AHSA1: variants seen among roughly 807,000 people sequenced by gnomAD.
AHSA1 encodes activator of 90 kDa heat shock protein ATPase homolog 1.
AHSA1 carries 14 observed loss-of-function variants against 46.1 expected under a neutral mutation model. The observed-to-expected ratio is 0.30, with a 90% confidence interval of 0.20 to 0.47. The LOEUF is 0.47. Among genes scored for constraint, AHSA1 ranks in the 20% least tolerant of loss-of-function variants. AHSA1 has a pLI of 0.99. For synonymous variants in AHSA1, 147 were observed against 145.8 expected, an observed-to-expected ratio of 1.01 and a Z score of -0.06; for missense variants, 333 against 415.9, an observed-to-expected ratio of 0.80 and a Z score of 1.73.
At chr14:77,465,787 G>C in intron 6 of AHSA1, 120 bp downstream of exon 6, 1 of 1,018,898 alleles carries the variant, frequency 9.8e-7, no homozygotes, top group Non-Finnish European at 1.4e-6. Flanking sequence ...CTGGAGCCAT[G>C]AGGCCTTCAT....
At chr14:77,467,945 C>A in intron 6 of AHSA1, 138 bp from the exon 7 acceptor site, 1 of 611,522 alleles carries the variant, frequency 1.6e-6, no homozygotes, top group Non-Finnish European at 2.8e-6. Context: ...AGAGGGACAC[C>A]CTGGACCCGC....
At chr14:77,464,204 C>G (rs1480641314) in intron 4 of AHSA1, among the ~76,000 whole-genome samples, 1 of 152,088 alleles carries the variant, frequency 6.6e-6, no homozygotes, top group African/African-American at 2.4e-5. Context: ...TGGTGAAACC[C>G]CGTCTCTACT....
Position 77,458,175 on chromosome 14 carries a change from GCGATAGGAGAGC to G in AHSA1, c.-10_2del, listed in dbSNP as rs1566744567. Reference sequence around the variant, plus strand: ...CGGCTGCTCCGGAGCTGGTGGCGCCGCGATAGGAGAGCCGATGGCCAAGTGGGGTGAGGGAGA... The same window carrying G: ...CGGCTGCTCCGGAGCTGGTGGCGCCGCGATGGCCAAGTGGGGTGAGGGAGA... On this transcript the variant is annotated 5_prime_UTR_variant, in exon 1 of 9. Coordinates refer to ENST00000216479, the MANE Select transcript of AHSA1 (RefSeq NM_012111.3). 6.6e-7 allele frequency: 1 copy of G among 1,517,944 alleles called. No individual in the cohort carries two copies. Among genetic ancestry groups the G allele is most frequent in the East Asian group, 2.7e-5 (1 of 37,632 alleles). The allele number at this position is 1,517,944 out of a possible 1,614,324, so 94.0% of individuals were successfully genotyped here.
chr14:77,459,677 C>T lies in AHSA1; in HGVS notation c.142C>T (p.Gln48Ter). 6.2e-7 allele frequency: 1 copy of T among 1,614,192 alleles called. No individual in the cohort carries two copies. Among genetic ancestry groups the T allele is most frequent in the Non-Finnish European group, 8.5e-7 (1 of 1,180,040 alleles). ...GCTGAAAACACTGTTCCTGGCAGTG[C>T]AGGTTCAAAATGAAGAAGGCAAGTG... ...DKLKTLFLAVQVQNEEGKCEV... is the reference protein window; with the variant it reads ...DKLKTLFLAV The change falls in exon 2 of 9, where the codon CAG (glutamine) becomes TAG (stop). Residue 48 changes from glutamine to a stop codon, truncating the protein, a stop_gained. Coordinates refer to ENST00000216479, the MANE Select transcript of AHSA1 (RefSeq NM_012111.3). LOFTEE classifies it high-confidence loss of function.
intron 2 of AHSA1, 63 bp from the exon 3 acceptor site, chr14:77,462,096 GA>G: frequency 7.9e-7 from 1 of 1,263,418 alleles, no homozygotes; most frequent in South Asian, 1.2e-5. Context: ...TAGCAGTTAG[GA>G]CCCTGGAGCA....
In AHSA1 at chr14:77,463,543, G is replaced by A. The variant is rs530761233; in HGVS notation, c.472+784G>A. On this transcript the variant is annotated intron_variant, in intron 4 of 8. Transcript: ENST00000216479. ...AAAGGTTGCGGTGAGCCAAGAACGC[G>A]CCATTGCACTCCAGCCTGGGTGACA... 1.2e-4 allele frequency among the ~76,000 whole-genome samples: 17 copies of A among 138,406 alleles called. No homozygotes were observed. The South Asian group carries it at 3.5e-3, about 29-fold the overall frequency. 90.8% of individuals were successfully genotyped at this position (138,406 alleles called of 152,430 possible).
Position 77,467,457 on chromosome 14 carries a change from G to T in AHSA1, c.691-626G>T, listed in dbSNP as rs554713439. Among the ~76,000 whole-genome samples the T allele has an allele frequency of 3.3e-5, 5 of 151,448 alleles. No individual in the cohort carries two copies. The South Asian group carries it at 8.4e-4, about 25-fold the overall frequency. ...GCCTGTAATCCCAGCACTTTGGGAG[G>T]CCAAGGTGGGTGGATCACGAGGTCA... On this transcript the variant is annotated intron_variant, in intron 6 of 8. Transcript: ENST00000216479.
chr14:77,458,401 T>A lies in AHSA1; in HGVS notation c.80+132T>A, dbSNP rs571336631. On this transcript the variant is annotated intron_variant, in intron 1 of 8. Coordinates refer to ENST00000216479, the MANE Select transcript of AHSA1 (RefSeq NM_012111.3). ...TCCGGAGATGGGGGTGGGTCCTTCCTGTGGCAGGGGTCCGTAGCCCCAGGC... is the reference window on the plus strand; with the variant it reads ...TCCGGAGATGGGGGTGGGTCCTTCCAGTGGCAGGGGTCCGTAGCCCCAGGC... 3 of 878,222 alleles carry A rather than the reference T, an allele frequency of 3.4e-6. No homozygotes were observed. In the African/African-American group the frequency reaches 5.3e-5, roughly 16 times the overall value. 54.4% of individuals were successfully genotyped at this position (878,222 alleles called of 1,614,324 possible).
intron 3 of AHSA1, 118 bp downstream of exon 3, chr14:77,462,360 G>A (rs755723114): frequency 4.0e-5 from 40 of 1,002,206 alleles, no homozygotes; most frequent in Non-Finnish European, 6.0e-5. Context: ...CAGAACCCTA[G>A]CCTGCAGATA....
intron 1 of AHSA1, 63 bp downstream of exon 1, chr14:77,458,332 C>T (rs1348918046): frequency 2.0e-6 from 3 of 1,505,436 alleles, no homozygotes; most frequent in African/African-American, 2.8e-5. Flanking sequence ...TTTCAGGGTT[C>T]CTAGAACCTC....
Position 77,469,364 on chromosome 14 carries a change from C to G in AHSA1, c.*115C>G. 7.6e-7 allele frequency: 1 copy of G among 1,308,588 alleles called. No individual in the cohort carries two copies. The highest frequency in any genetic ancestry group is 1.0e-6 in the Non-Finnish European group (1 of 954,784). The allele number at this position is 1,308,588 out of a possible 1,614,324, so 81.1% of individuals were successfully genotyped here. A position where few individuals can be genotyped will look rare whatever the true frequency, so the allele number is the denominator to read the frequency against. On this transcript the variant is annotated 3_prime_UTR_variant, in exon 9 of 9. Coordinates refer to ENST00000216479, the MANE Select transcript of AHSA1 (RefSeq NM_012111.3). ...AGCTGCTAACTTGGGGCCGGGGCCC[C>G]TCCCTTCCACATATACCTTGGGTTT...
intron 1 of AHSA1, 119 bp downstream of exon 1, chr14:77,458,388 G>A (rs1455219363): frequency 1.0e-5 from 11 of 1,049,650 alleles, no homozygotes; most frequent in Non-Finnish European, 1.5e-5. Context: ...CGGAGATGGG[G>A]GTGGGTCCTT....
intron 3 of AHSA1, 75 bp downstream of exon 3, chr14:77,462,317 C>A: frequency 7.1e-7 from 1 of 1,412,222 alleles, no homozygotes. Flanking sequence ...ACCTGTCATT[C>A]AGGATTCATA....
intron 2 of AHSA1, among the ~76,000 whole-genome samples, chr14:77,461,118 C>T (rs1041945940): frequency 1.4e-4 from 21 of 151,978 alleles, no homozygotes; most frequent in Non-Finnish European, 2.1e-4. Flanking sequence ...GGGATCGCAC[C>T]GTTGCACTCC....
At chr14:77,462,584 T>A in intron 3 of AHSA1, 58 bp from the exon 4 acceptor site, 2 of 1,501,292 alleles carry the variant, frequency 1.3e-6, no homozygotes, top group Non-Finnish European at 1.9e-6. Context: ...AGCCCCCACA[T>A]TCCATAATGA....
intron 1 of AHSA1, among the ~76,000 whole-genome samples, chr14:77,458,849 G>T (rs1239121826): frequency 6.6e-6 from 1 of 152,028 alleles, no homozygotes; most frequent in Non-Finnish European, 1.5e-5. Flanking sequence ...TAACCTGACC[G>T]TTCTTAAAAT....
chr14:77,458,275 G>A lies in AHSA1; in HGVS notation c.80+6G>A. ...AACGTCAACAACTGGCACTGGTGAG[G>A]GCCAGAAAAGCAGGCCGGCCTTGGG... On this transcript the variant is annotated splice_donor_region_variant and intron_variant, in intron 1 of 8. Coordinates refer to ENST00000216479, the MANE Select transcript of AHSA1 (RefSeq NM_012111.3). 1 of 1,545,044 alleles carries A rather than the reference G, an allele frequency of 6.5e-7. No individual in the cohort carries two copies.
At chr14:77,460,886 G>A (rs552811416) in intron 2 of AHSA1, among the ~76,000 whole-genome samples, 10 of 152,060 alleles carry the variant, frequency 6.6e-5, no homozygotes, top group East Asian at 1.9e-4. Context: ...TAGGCCGGGC[G>A]TGGTGGCTAA....
In AHSA1 at chr14:77,468,468, A is replaced by G; in HGVS notation, c.804A>G (p.Lys268=). ...TTTGATTATTTTAGGTCCCTGAGAAACATATTGTGATGAAGTGGAGGTTTA... is the reference window on the plus strand; with the variant it reads ...TTTGATTATTTTAGGTCCCTGAGAAGCATATTGTGATGAAGTGGAGGTTTA... The part of the protein sequence containing the change: ...SGEFTDLVPE[K]HIVMKWRFKS... The change falls in exon 8 of 9, where the codon AAA becomes AAG. Residue 268 remains lysine (K), a synonymous_variant. Coordinates refer to ENST00000216479, the MANE Select transcript of AHSA1 (RefSeq NM_012111.3). 6.2e-7 allele frequency: 1 copy of G among 1,613,432 alleles called. No homozygotes were observed. The highest frequency in any genetic ancestry group is 2.2e-5 in the East Asian group (1 of 44,880).
Sources: gnomAD v4.1 joint callset for allele counts (sites outside exome capture counted in the v4.1 genomes callset) on GRCh38, gnomAD v4.1.1 for gene constraint, MANE v1.5 for transcripts, NCBI Gene and HGNC (gene_info 2026-07-23, HGNC 2026-07-21) for gene names.